The following BMP1 variants were observed in gnomAD, a reference collection of about 807,000 sequenced individuals.
BMP1 encodes mammalian tolloid protein.
BMP1 carries 63 observed loss-of-function variants against 116.8 expected under a neutral mutation model. That is an observed-to-expected ratio of 0.54 (90% confidence interval 0.44 to 0.67). BMP1 has a LOEUF of 0.67. BMP1 is among the 30% of genes least tolerant of loss of function. The probability of loss-of-function intolerance (pLI) is 0.00; values close to 1 mark genes in which losing one functional copy is unlikely to be tolerated. For missense variants in BMP1, 1,183 were observed against 1,358.9 expected, an observed-to-expected ratio of 0.87 and a Z score of 2.04; for synonymous variants, 536 against 533.4, an observed-to-expected ratio of 1.00 and a Z score of -0.07.
At chr8:22,204,198 C>T (rs1829311762) in intron 16 of BMP1, among the ~76,000 whole-genome samples, 1 of 152,122 alleles carries the variant, frequency 6.6e-6, no homozygotes, top group Non-Finnish European at 1.5e-5. Flanking sequence ...AGAGGGAGGG[C>T]AGGGGGCTGT....
chr8:22,211,646 C>T lies in BMP1; in HGVS notation c.2879C>T (p.Ser960Leu), dbSNP rs768372045. The T allele has an allele frequency of 1.2e-6, 2 of 1,614,156 alleles. No homozygotes were observed. Among genetic ancestry groups the T allele is most frequent in the Non-Finnish European group, 1.7e-6 (2 of 1,180,016 alleles). The change falls in exon 20 of 20, where the codon TCG becomes TTG. Residue 960 changes from serine to leucine, a missense_variant. Around this residue, in one of 4 missense-constraint regions of BMP1, gnomAD observed 956 missense variants for 1,135.2 expected, o/e 0.84. Transcript: ENST00000306385. ...AGDSVLVKFH[S>L]DDTITKKGFH... ...GATTCTGTCCTGGTGAAGTTCCACT[C>T]GGATGACACCATCACCAAAAAAGGT... is the stretch of plus-strand genomic sequence containing the variant.
At chr8:22,208,445 C>T (rs1469669732) in intron 18 of BMP1, among the ~76,000 whole-genome samples, 2 of 152,210 alleles carry the variant, frequency 1.3e-5, no homozygotes, top group African/African-American at 2.4e-5. Flanking sequence ...AGGCAGGCAC[C>T]GCCCGTGACA....
rs1828552044 is a variant in BMP1, at chr8:22,179,568, T to G, written c.837-137T>G. On this transcript the variant is annotated intron_variant, in intron 6 of 19. Coordinates refer to ENST00000306385, the MANE Select transcript of BMP1 (RefSeq NM_006129.5). This position sits in a 1 kb window ranked among gnomAD's most constrained non-coding sequence, Gnocchi z 4.6. ...TAGCATAATGACAGGGTGAGACGAC[T>G]CCACCCGGCCCTGACCCTGCTGAGG... 1 of 1,475,280 alleles carries G rather than the reference T, an allele frequency of 6.8e-7. No homozygotes were observed. The highest frequency in any genetic ancestry group is 1.9e-5 in the Admixed American group (1 of 52,132). 91.4% of individuals were successfully genotyped at this position (1,475,280 alleles called of 1,614,324 possible).
chr8:22,179,492 C>T lies in BMP1; in HGVS notation c.837-213C>T, dbSNP rs1184497501. ...TCCCAAAGTGTTCCTGGGGCTCCCC[C>T]GACTCCTGTGGTGTGGCTGCCACGG... On this transcript the variant is annotated intron_variant, in intron 6 of 19. Coordinates refer to ENST00000306385, the MANE Select transcript of BMP1 (RefSeq NM_006129.5). The surrounding 1 kb of genome is among the most constrained non-coding windows in gnomAD (Gnocchi z 4.6). Among the ~76,000 whole-genome samples, 1 of 152,168 alleles carries T rather than the reference C, an allele frequency of 6.6e-6. No homozygotes were observed. Among genetic ancestry groups the T allele is most frequent in the Non-Finnish European group, 1.5e-5 (1 of 68,026 alleles).
At chr8:22,182,410 T>C (rs1156722534) in intron 8 of BMP1, among the ~76,000 whole-genome samples, 1 of 152,248 alleles carries the variant, frequency 6.6e-6, no homozygotes, top group Non-Finnish European at 1.5e-5. Flanking sequence ...TTACACCAGT[T>C]ATGATGCCAC....
intron 17 of BMP1, 88 bp from the exon 18 acceptor site, chr8:22,207,215 C>A: frequency 6.9e-7 from 1 of 1,457,274 alleles, no homozygotes; most frequent in Non-Finnish European, 9.5e-7. Context: ...CCATGGGTAT[C>A]TGTGAGGCCT....
At chr8:22,201,311 G>A (rs1455764494) in intron 15 of BMP1, 47 of 1,508,088 alleles carry the variant, frequency 3.1e-5, no homozygotes, top group South Asian at 4.0e-5. Flanking sequence ...CTGCCATTCC[G>A]GCCCACCTCC....
At chr8:22,188,915 AGGCCCAGGAAGGCCAC>A (rs1828854312) in intron 8 of BMP1, among the ~76,000 whole-genome samples, 2 of 152,234 alleles carry the variant, frequency 1.3e-5, no homozygotes, top group African/African-American at 4.8e-5. Flanking sequence ...ACTGCCTGGC[AGGCCCAGGAAGGCCAC>A]GTGGAGGAGT....
chr8:22,206,501 CAAA>C (rs759348690), intron 16 of BMP1, among the ~76,000 whole-genome samples: 1 of 107,034 alleles, frequency 9.3e-6, no homozygotes, highest in African/African-American at 3.3e-5. Context: ...GACTCCATCT[CAAA>C]AAAAAAAAAA....
rs771911408 is a variant in BMP1 at position 22,194,719 on chromosome 8, C to A, written c.1444-5C>A. ...CCCTTCCACTGATGAAGCCTCGACC[C>A]CTAGATTGAGCGCCACGACAGCTGT... On this transcript the variant is annotated splice_polypyrimidine_tract_variant and splice_region_variant and intron_variant, in intron 11 of 19. Transcript: ENST00000306385. This position sits in a 1 kb window ranked among gnomAD's most constrained non-coding sequence, Gnocchi z 4.5. The A allele has an allele frequency of 6.2e-7, 1 of 1,602,098 alleles. No individual in the cohort carries two copies. The highest frequency in any genetic ancestry group is 1.3e-5 in the African/African-American group (1 of 74,550).
At chr8:22,198,379 C>G (rs563636476) in intron 15 of BMP1, 1 of 152,294 alleles carries the variant, frequency 6.6e-6, no homozygotes, top group Non-Finnish European at 1.5e-5. Flanking sequence ...ATCAGCAGCC[C>G]CTGGCCCAGC....
chr8:22,207,213 ATC>A lies in BMP1; in HGVS notation c.2362-88_2362-87del. The A allele has an allele frequency of 2.1e-6, 3 of 1,446,836 alleles. No individual in the cohort carries two copies. The South Asian group carries it at 3.8e-5, about 18-fold the overall frequency. 89.6% of individuals were successfully genotyped at this position (1,446,836 alleles called of 1,614,324 possible). On this transcript the variant is annotated intron_variant, in intron 17 of 19. Coordinates refer to ENST00000306385, the MANE Select transcript of BMP1 (RefSeq NM_006129.5). ...CCCAGCTGTGGCTGCTCCCATGGGT[ATC>A]TGTGAGGCCTAGGTTTGGGGCCCTC... is the stretch of plus-strand genomic sequence containing the variant.
At position 22,194,635 on chromosome 8, in the gene BMP1, C is replaced by T. The variant is rs1471955608; in HGVS notation, c.1443+45C>T. 6.2e-7 allele frequency: 1 copy of T among 1,605,240 alleles called. No homozygotes were observed. Among genetic ancestry groups the T allele is most frequent in the Non-Finnish European group, 8.5e-7 (1 of 1,174,018 alleles). Reference sequence around the variant, plus strand: ...ATCTGACCTTTGAATCCAGCAGTTGCTCCCTGGGACAGCTGCCTCTCTTTG... The same window carrying T: ...ATCTGACCTTTGAATCCAGCAGTTGTTCCCTGGGACAGCTGCCTCTCTTTG... On this transcript the variant is annotated intron_variant, in intron 11 of 19. Transcript: ENST00000306385. This position sits in a 1 kb window ranked among gnomAD's most constrained non-coding sequence, Gnocchi z 4.5.
chr8:22,175,765 A>T (rs1828411913), intron 2 of BMP1, among the ~76,000 whole-genome samples: 2 of 152,202 alleles, frequency 1.3e-5, no homozygotes, highest in Non-Finnish European at 2.9e-5. Flanking sequence ...AGAGCACTTC[A>T]GCATTATGCT....
chr8:22,196,291 C>T, intron 13 of BMP1: 1 of 550,292 alleles, frequency 1.8e-6, no homozygotes. Flanking sequence ...CTAATGGCTC[C>T]AGCTCACTAG....
chr8:22,200,174 C>T (rs1031959744), intron 15 of BMP1, among the ~76,000 whole-genome samples: 2 of 152,240 alleles, frequency 1.3e-5, no homozygotes, highest in African/African-American at 4.8e-5. Flanking sequence ...GTGTATGTGG[C>T]TGCGGCACAC....
At chr8:22,181,801 T>C (rs550345511) in intron 8 of BMP1, among the ~76,000 whole-genome samples, 2 of 152,314 alleles carry the variant, frequency 1.3e-5, no homozygotes, top group African/African-American at 4.8e-5. Context: ...GTGATCCTCC[T>C]GGCTCAGGCT....
At chr8:22,199,764 A>T (rs1829206068) in intron 15 of BMP1, among the ~76,000 whole-genome samples, 1 of 151,806 alleles carries the variant, frequency 6.6e-6, no homozygotes, top group African/African-American at 2.4e-5. Context: ...TCACCCCCAC[A>T]TTTTCTGCAG....
At position 22,209,653 on chromosome 8, in the gene BMP1, C is replaced by T. The variant is rs774146646; in HGVS notation, c.2784C>T (p.Tyr928=). ...ACTACATGGAGCTCTTCGACGGCTA[C>T]GACAGCACAGCCCCCAGGCTGGGGC... is the stretch of plus-strand genomic sequence containing the variant. The part of the protein sequence containing the change: ...GYDYMELFDG[Y]DSTAPRLGRY... The change falls in exon 19 of 20, where the codon TAC becomes TAT. Residue 928 remains tyrosine, a synonymous_variant. Coordinates refer to ENST00000306385, the MANE Select transcript of BMP1 (RefSeq NM_006129.5). 28 of 1,613,962 alleles carry T rather than the reference C, an allele frequency of 1.7e-5. No homozygotes were observed. Among genetic ancestry groups the T allele is most frequent in the Admixed American group, 5.0e-5 (3 of 60,010 alleles).
Sources: allele counts gnomAD v4.1 joint callset (sites outside exome capture counted in the v4.1 genomes callset), GRCh38; gene constraint gnomAD v4.1.1; regional missense constraint gnomAD v4.1.1; non-coding constraint Gnocchi (gnomAD v3.1); transcripts MANE v1.5; gene names NCBI Gene and HGNC (gene_info 2026-07-23, HGNC 2026-07-21).